SYNPR: variants seen among roughly 807,000 people sequenced by gnomAD.
SYNPR encodes the protein synaptoporin.
A neutral mutation model predicts 32.9 loss-of-function variants in SYNPR; 23 were observed. The ratio of observed to expected loss-of-function variants is 0.70; its 90% confidence interval spans 0.50 to 0.99. The LOEUF (loss-of-function observed/expected upper bound fraction) is 0.99, where lower values mean the gene tolerates loss of function less well. Ranked by LOEUF, SYNPR falls within the 50% of genes least tolerant of loss-of-function variation. The probability of loss-of-function intolerance (pLI) is 0.00; values close to 1 mark genes in which losing one functional copy is unlikely to be tolerated. For missense variants in SYNPR, 318 were observed against 349.3 expected (o/e 0.91, Z 0.71); for synonymous variants, 146 against 135.9 (o/e 1.07, Z -0.52).
intron 2 of SYNPR, among the ~76,000 whole-genome samples, chr3:63,258,760 T>C (rs939478156): frequency 6.6e-6 from 1 of 152,022 alleles, no homozygotes; most frequent in Non-Finnish European, 1.5e-5. Flanking sequence ...AAAACATCCT[T>C]CAAAAAAATC....
intron 2 of SYNPR, among the ~76,000 whole-genome samples, chr3:63,455,009 A>G (rs1279148615): frequency 6.6e-6 from 1 of 152,130 alleles, no homozygotes; most frequent in African/African-American, 2.4e-5. Flanking sequence ...TTTAGAATGG[A>G]AAGTTTAAAC....
At chr3:63,527,626 G>T (rs1021035220) in intron 3 of SYNPR, among the ~76,000 whole-genome samples, 9 of 152,232 alleles carry the variant, frequency 5.9e-5, no homozygotes, top group African/African-American at 1.9e-4. Context: ...GCAAAAAGGC[G>T]CTTTCCCTCT....
chr3:63,314,329 C>T (rs1395097992), intron 2 of SYNPR, among the ~76,000 whole-genome samples: 1 of 151,504 alleles, frequency 6.6e-6, no homozygotes, highest in African/African-American at 2.4e-5. Flanking sequence ...TTTACATTCC[C>T]AACAGCAGTG....
chr3:63,305,739 C>A (rs993899928), intron 2 of SYNPR, among the ~76,000 whole-genome samples: 1 of 151,914 alleles, frequency 6.6e-6, no homozygotes, highest in Non-Finnish European at 1.5e-5. Context: ...TCAGAAACTC[C>A]GCCCCTGTCA....
intron 1 of SYNPR, among the ~76,000 whole-genome samples, chr3:63,231,786 CAT>C (rs1277710231): frequency 1.3e-5 from 2 of 152,174 alleles, no homozygotes; most frequent in Non-Finnish European, 2.9e-5. Flanking sequence ...ACAAATGCCA[CAT>C]GTCAGGAACA....
At chr3:63,247,904 A>G (rs985418906) in intron 1 of SYNPR, among the ~76,000 whole-genome samples, 2 of 152,128 alleles carry the variant, frequency 1.3e-5, no homozygotes, top group African/African-American at 4.8e-5. Flanking sequence ...TGGCCAAAAC[A>G]TGGGGCAGAG....
At position 63,348,947 on chromosome 3, in the gene SYNPR, A is replaced by T. The variant is rs149773897; in HGVS notation, c.84+70205A>T. On this transcript the variant is annotated intron_variant, in intron 2 of 5. Transcript: ENST00000478300. The stretch of plus-strand genomic sequence containing the variant: ...GTATAATTTGAGGTCAGCTAATGTG[A>T]TGCCTCTAGCTTTGTTAATTTTGCT... Among the ~76,000 whole-genome samples, 23 of 152,282 alleles carry T rather than the reference A, an allele frequency of 1.5e-4. No homozygotes were observed. In the East Asian group the frequency reaches 4.4e-3, roughly 29 times the overall value.
chr3:63,460,953 T>C (rs1404316993), intron 2 of SYNPR, among the ~76,000 whole-genome samples: 1 of 151,988 alleles, frequency 6.6e-6, no homozygotes, highest in Non-Finnish European at 1.5e-5. Context: ...TACACAGATA[T>C]AATCAATATT....
intron 2 of SYNPR, chr3:63,444,340 C>T (rs973035010): frequency 4.6e-5 from 7 of 152,100 alleles, no homozygotes; most frequent in African/African-American, 1.2e-4. Flanking sequence ...ATTCAGAAGT[C>T]TGGGGAAAAG....
rs1330540366 is a variant in SYNPR at position 63,475,536 on chromosome 3, A to G, written c.85-5296A>G. Among the ~76,000 whole-genome samples the G allele has an allele frequency of 2.0e-5, 3 of 152,200 alleles. No homozygotes were observed. In the East Asian group the frequency reaches 5.8e-4, roughly 29 times the overall value. On this transcript the variant is annotated intron_variant, in intron 2 of 5. Transcript: ENST00000478300. ...AGGTGAGCTAGTGCACCACATTAAC[A>G]GAAAGAAGGCACTGTGCTGGCTGAA... is the stretch of plus-strand genomic sequence containing the variant.
chr3:63,359,643 T>C (rs2087630621), intron 2 of SYNPR, among the ~76,000 whole-genome samples: 2 of 152,182 alleles, frequency 1.3e-5, no homozygotes, highest in African/African-American at 4.8e-5. Flanking sequence ...TGGAGCTTTC[T>C]TGTTAAGGAG....
In SYNPR at chr3:63,242,916, A is replaced by C. The variant is rs558531352; in HGVS notation, n.67-9583A>C. Among the ~76,000 whole-genome samples, 9 of 152,130 alleles carry C rather than the reference A, an allele frequency of 5.9e-5. No homozygotes were observed. In the South Asian group the frequency reaches 6.2e-4, roughly 10 times the overall value. ...GAAAGAATGAAATGGAAATCTGAAA[A>C]TAAAAATTATAACTCACTGAAAGAA... On this transcript the variant is annotated intron_variant and non_coding_transcript_variant, in intron 1 of 4. Transcript: ENST00000478456.
intron 3 of SYNPR, among the ~76,000 whole-genome samples, chr3:63,272,924 G>A (rs2086547939): frequency 6.6e-6 from 1 of 152,110 alleles, no homozygotes; most frequent in Non-Finnish European, 1.5e-5. Flanking sequence ...AACAATGTGA[G>A]ACTAACTCAA....
upstream of SYNPR, among the ~76,000 whole-genome samples, chr3:63,224,965 A>G (rs1005797211): frequency 2.6e-5 from 4 of 152,198 alleles, no homozygotes; most frequent in South Asian, 4.1e-4. Context: ...CTGCCAGGAC[A>G]GTGATAGCCT....
chr3:63,254,786 G>T (rs187755575), intron 2 of SYNPR, among the ~76,000 whole-genome samples: 2 of 152,180 alleles, frequency 1.3e-5, no homozygotes, highest in South Asian at 4.1e-4. Flanking sequence ...AGTCTTTAAA[G>T]AGGTAATTAA....
intron 2 of SYNPR, among the ~76,000 whole-genome samples, chr3:63,424,212 ACT>A (rs1317322948): frequency 6.6e-6 from 1 of 151,932 alleles, no homozygotes; most frequent in Non-Finnish European, 1.5e-5. Flanking sequence ...GTATATGGAA[ACT>A]CTCTGTTATA....
At chr3:63,444,958 A>AC (rs1700246787) in intron 2 of SYNPR, among the ~76,000 whole-genome samples, 2 of 151,116 alleles carry the variant, frequency 1.3e-5, no homozygotes, top group Admixed American at 6.6e-5. Flanking sequence ...TGTTGGAAAA[A>AC]AAACAAAACA....
chr3:63,239,766 T>G (rs1302849690), intron 1 of SYNPR, among the ~76,000 whole-genome samples: 1 of 151,566 alleles, frequency 6.6e-6, no homozygotes, highest in African/African-American at 2.4e-5. Flanking sequence ...CATACCCTCA[T>G]CCTACCATTG....
intron 1 of SYNPR, among the ~76,000 whole-genome samples, chr3:63,251,442 G>T (rs887289450): frequency 6.6e-6 from 1 of 152,102 alleles, no homozygotes; most frequent in East Asian, 1.9e-4. Flanking sequence ...AGGTAATGAA[G>T]TCTGAGAGAA....
Sources: allele counts gnomAD v4.1 joint callset (sites outside exome capture counted in the v4.1 genomes callset), GRCh38; gene constraint gnomAD v4.1.1; transcripts MANE v1.5; gene names NCBI Gene and HGNC (gene_info 2026-07-23, HGNC 2026-07-21).